PLPP7: variants seen among roughly 807,000 people sequenced by gnomAD.
The protein encoded by PLPP7 is phospholipid phosphatase 7 (inactive).
In PLPP7, 11 loss-of-function variants were observed where a neutral mutation model predicts 16.9. The observed-to-expected ratio is 0.65, with a 90% confidence interval of 0.41 to 1.08. The LOEUF is 1.08. Among genes scored for constraint, PLPP7 ranks in the 50% least tolerant of loss-of-function variants. The pLI, the probability that PLPP7 is intolerant of heterozygous loss-of-function variation, is 0.00. For missense variants in PLPP7, 358 were observed against 397.1 expected (o/e 0.90, Z 0.84); for synonymous variants, 174 against 175.1 (o/e 0.99, Z 0.05).
At chr9:131,300,964 G>GTATT (rs1019365572) in intron 1 of PLPP7, among the ~76,000 whole-genome samples, 15 of 151,962 alleles carry the variant, frequency 9.9e-5, no homozygotes, top group Middle Eastern at 3.4e-3. Context: ...ATTTATTTAT[G>GTATT]TATTTATTTA....
chr9:131,294,300 G>C (rs1219341465), intron 1 of PLPP7, among the ~76,000 whole-genome samples: 3 of 152,158 alleles, frequency 2.0e-5, no homozygotes, highest in African/African-American at 7.2e-5. Context: ...GTGGGTTGTT[G>C]GGAAATCTCC....
intron 1 of PLPP7, chr9:131,291,534 C>A: frequency 2.3e-6 from 1 of 441,982 alleles, no homozygotes; most frequent in East Asian, 1.5e-4. Flanking sequence ...GCTGGGTCTG[C>A]CACCTTCGAG....
chr9:131,292,060 C>T (rs1217694801), intron 1 of PLPP7, among the ~76,000 whole-genome samples: 1 of 152,226 alleles, frequency 6.6e-6, no homozygotes, highest in Non-Finnish European at 1.5e-5. Flanking sequence ...GCACTGGCTC[C>T]AGCTGACACA....
intron 1 of PLPP7, among the ~76,000 whole-genome samples, chr9:131,303,962 G>A (rs1253733514): frequency 3.3e-5 from 5 of 152,190 alleles, no homozygotes; most frequent in Admixed American, 6.5e-5. Flanking sequence ...TTCACTGTCC[G>A]TGAGGCAGGG....
intron 1 of PLPP7, chr9:131,292,685 T>C (rs1210084560): frequency 1.5e-5 from 7 of 464,308 alleles, no homozygotes; most frequent in African/African-American, 2.1e-5. Context: ...CCACAGTCAG[T>C]GGATGCTCTA....
intron 1 of PLPP7, among the ~76,000 whole-genome samples, chr9:131,306,509 C>T (rs1323078839): frequency 3.3e-5 from 5 of 151,766 alleles, no homozygotes; most frequent in Admixed American, 3.3e-4. Context: ...CACACTCCAG[C>T]CTGGGCAACA....
At chr9:131,304,359 G>T (rs891087630) in intron 1 of PLPP7, among the ~76,000 whole-genome samples, 2 of 152,218 alleles carry the variant, frequency 1.3e-5, no homozygotes, top group Non-Finnish European at 2.9e-5. Context: ...AAGGCCAGGC[G>T]CAGTGGCTCA....
chr9:131,308,128 G>A lies in PLPP7; in HGVS notation c.657G>A (p.Val219=). The change falls in exon 2 of 2, where the codon GTG becomes GTA. Residue 219 remains valine (V), a synonymous_variant. Coordinates refer to ENST00000372264, the MANE Select transcript of PLPP7 (RefSeq NM_032728.4). ...VLAVPLRVLL[V]LWALCVGLSR... ...CGGTGCCCCTGCGTGTGCTGCTGGT[G>A]CTCTGGGCCCTCTGCGTGGGCCTGT... The A allele has an allele frequency of 3.7e-6, 6 of 1,601,060 alleles. No homozygotes were observed. The highest frequency in any genetic ancestry group is 5.1e-6 in the Non-Finnish European group (6 of 1,179,804).
intron 1 of PLPP7, among the ~76,000 whole-genome samples, chr9:131,292,195 C>G (rs1835685276): frequency 6.6e-6 from 1 of 152,186 alleles, no homozygotes; most frequent in African/African-American, 2.4e-5. Context: ...CAGTTTCACA[C>G]AGGGCCACGT....
intron 1 of PLPP7, among the ~76,000 whole-genome samples, chr9:131,299,100 A>G (rs1835767605): frequency 6.6e-6 from 1 of 152,228 alleles, no homozygotes; most frequent in Non-Finnish European, 1.5e-5. Flanking sequence ...CAGCGTATCC[A>G]TGGCAGGGAG....
chr9:131,297,264 G>A (rs1223116366), intron 1 of PLPP7, among the ~76,000 whole-genome samples: 1 of 152,244 alleles, frequency 6.6e-6, no homozygotes, highest in Non-Finnish European at 1.5e-5. Flanking sequence ...CCTGCTCCTA[G>A]CAGGACCTGG....
chr9:131,289,782 C>A lies in PLPP7; in HGVS notation c.-216C>A. 1 of 407,998 alleles carries A rather than the reference C, an allele frequency of 2.5e-6. No homozygotes were observed. The highest frequency in any genetic ancestry group is 4.3e-6 in the Non-Finnish European group (1 of 234,464). The allele number at this position is 407,998 out of a possible 1,614,324, so 25.3% of individuals were successfully genotyped here. A position where few individuals can be genotyped will look rare whatever the true frequency, so the allele number is the denominator to read the frequency against. ...CTGGTGCAGGCCCCGCATTGGAGGG[C>A]TCGATTGGCTGCCCGGCTGGCACTG... On this transcript the variant is annotated 5_prime_UTR_variant, in exon 1 of 2. Coordinates refer to ENST00000372264, the MANE Select transcript of PLPP7 (RefSeq NM_032728.4).
Position 131,307,972 on chromosome 9 carries a change from G to A in PLPP7, c.501G>A (p.Lys167=). ...MTVAGVQKLI[K]RRGPYETSPS... is the part of the protein sequence containing the mutation. ...TGGCCGGCGTGCAGAAGCTCATCAA[G>A]CGGCGCGGCCCGTACGAGACGAGCC... is the stretch of plus-strand genomic sequence containing the variant. The change falls in exon 2 of 2, where the codon AAG becomes AAA. Residue 167 remains lysine, a synonymous_variant. Coordinates refer to ENST00000372264, the MANE Select transcript of PLPP7 (RefSeq NM_032728.4). 6.3e-7 allele frequency: 1 copy of A among 1,598,832 alleles called. No individual in the cohort carries two copies. The highest frequency in any genetic ancestry group is 8.5e-7 in the Non-Finnish European group (1 of 1,178,924).
At chr9:131,304,780 G>A (rs1436220885) in intron 1 of PLPP7, among the ~76,000 whole-genome samples, 1 of 152,202 alleles carries the variant, frequency 6.6e-6, no homozygotes, top group African/African-American at 2.4e-5. Flanking sequence ...CACAGCCCCT[G>A]CCTCCACGAA....
At chr9:131,292,172 C>G (rs184471807) in intron 1 of PLPP7, among the ~76,000 whole-genome samples, 6 of 152,316 alleles carry the variant, frequency 3.9e-5, no homozygotes, top group Admixed American at 3.3e-4. Context: ...GCAGAACCTG[C>G]TCTCATTATC....
intron 1 of PLPP7, chr9:131,293,066 G>A (rs762461825): frequency 1.5e-4 from 101 of 683,228 alleles, no homozygotes; most frequent in East Asian, 2.7e-4. Flanking sequence ...AAAAGCTGTC[G>A]ATGACCTTTC....
chr9:131,291,274 G>T, intron 1 of PLPP7: 1 of 1,282,208 alleles, frequency 7.8e-7, no homozygotes, highest in Non-Finnish European at 1.0e-6. Flanking sequence ...GGCCCGCATC[G>T]ATTTCCTTGT....
intron 1 of PLPP7, among the ~76,000 whole-genome samples, chr9:131,304,852 G>A (rs777702772): frequency 1.1e-4 from 16 of 152,318 alleles, no homozygotes; most frequent in Middle Eastern, 3.4e-3. Flanking sequence ...CAGTGACTGC[G>A]GGGGAAAAGC....
chr9:131,292,766 CTGCTT>C lies in PLPP7; in HGVS notation c.451+2321_451+2325del. 4.2e-6 allele frequency: 4 copies of C among 959,498 alleles called. No individual in the cohort carries two copies. The South Asian group carries it at 2.0e-4, about 47-fold the overall frequency. 59.4% of individuals were successfully genotyped at this position (959,498 alleles called of 1,614,324 possible). A position where few individuals can be genotyped will look rare whatever the true frequency, so the allele number is the denominator to read the frequency against. ...CCTCACATCACCAAGTAAAATAGCTCTGCTTTGTTTTTTTTTTACAGGAATGTTTG... is the reference window on the plus strand; with the variant it reads ...CCTCACATCACCAAGTAAAATAGCTCTGTTTTTTTTTTACAGGAATGTTTG... On this transcript the variant is annotated intron_variant, in intron 1 of 1. Transcript: ENST00000372264.
Sources: gnomAD v4.1 joint callset for allele counts (sites outside exome capture counted in the v4.1 genomes callset) on GRCh38, gnomAD v4.1.1 for gene constraint, MANE v1.5 for transcripts, NCBI Gene and HGNC (gene_info 2026-07-23, HGNC 2026-07-21) for gene names.